The following STRBP variants were observed in gnomAD, a reference collection of about 807,000 sequenced individuals.
STRBP encodes the protein spermatid perinuclear RNA binding protein, also known as spermatid perinuclear RNA-binding protein.
A neutral mutation model predicts 80.1 loss-of-function variants in STRBP; 13 were observed. That is an observed-to-expected ratio of 0.16 (90% CI 0.11 to 0.26). STRBP has a LOEUF of 0.26. Among genes scored for constraint, STRBP ranks in the 10% least tolerant of loss-of-function variants. The pLI is 1.00. For missense variants in STRBP, 485 were observed against 815.2 expected, an observed-to-expected ratio of 0.59 and a Z score of 4.93; for synonymous variants, 284 against 291.2, an observed-to-expected ratio of 0.98 and a Z score of 0.25.
chr9:123,164,958 G>C (rs1281880336), intron 6 of STRBP, among the ~76,000 whole-genome samples: 1 of 152,158 alleles, frequency 6.6e-6, no homozygotes, highest in Non-Finnish European at 1.5e-5. Context: ...TTCAGTGGCA[G>C]TCTGCCACTG....
intron 3 of STRBP, among the ~76,000 whole-genome samples, chr9:123,182,849 A>C (rs927339108): frequency 6.6e-6 from 1 of 152,008 alleles, no homozygotes; most frequent in Non-Finnish European, 1.5e-5. Flanking sequence ...CTGTCTCTAC[A>C]AAAAATTTAA....
intron 2 of STRBP, among the ~76,000 whole-genome samples, chr9:123,199,235 A>T (rs1454721259): frequency 6.6e-6 from 1 of 152,228 alleles, no homozygotes; most frequent in African/African-American, 2.4e-5. Flanking sequence ...CACCCAGCCT[A>T]TGTGCCTACT....
At chr9:123,252,807 C>T (rs2040944565) in intron 1 of STRBP, among the ~76,000 whole-genome samples, 1 of 152,032 alleles carries the variant, frequency 6.6e-6, no homozygotes, top group Non-Finnish European at 1.5e-5. Flanking sequence ...TCCTTTTTAC[C>T]CAAAGCCAGC....
At chr9:123,209,678 C>A (rs1020649578) in intron 2 of STRBP, among the ~76,000 whole-genome samples, 2 of 152,180 alleles carry the variant, frequency 1.3e-5, no homozygotes, top group Non-Finnish European at 2.9e-5. Flanking sequence ...GATTTCAAAT[C>A]TGCTAGAGAA....
Position 123,202,461 on chromosome 9 carries a change from C to A in STRBP, c.-164-18163G>T, listed in dbSNP as rs183219476. ...AATGACTTTATTTCTCCTTCATTTACAAAACTTAGTTTTGTGGGATAAAAA... is the reference window on the plus strand; with the variant it reads ...AATGACTTTATTTCTCCTTCATTTAAAAAACTTAGTTTTGTGGGATAAAAA... On this transcript the variant is annotated intron_variant, in intron 2 of 18. Coordinates refer to ENST00000348403, the MANE Select transcript of STRBP (RefSeq NM_018387.5). Among the ~76,000 whole-genome samples, 11 of 152,286 alleles carry A rather than the reference C, an allele frequency of 7.2e-5. No homozygotes were observed. In the East Asian group the frequency reaches 2.1e-3, roughly 29 times the overall value.
intron 2 of STRBP, among the ~76,000 whole-genome samples, chr9:123,203,493 C>T (rs2039403052): frequency 6.6e-6 from 1 of 152,082 alleles, no homozygotes. Flanking sequence ...ACTTCTTGGC[C>T]TCAACCTCTA....
At chr9:123,147,656 T>C (rs1403729674) in intron 12 of STRBP, 122 bp downstream of exon 12, 4 of 787,426 alleles carry the variant, frequency 5.1e-6, no homozygotes, top group Non-Finnish European at 7.4e-6. Flanking sequence ...CCAGTCTCAG[T>C]GACAGAATGA....
At chr9:123,257,390 T>C (rs532593809) in intron 1 of STRBP, among the ~76,000 whole-genome samples, 1 of 152,010 alleles carries the variant, frequency 6.6e-6, no homozygotes, top group Admixed American at 6.6e-5. Flanking sequence ...CACTCTCTCT[T>C]AGGTACTTAC....
At chr9:123,181,328 A>T (rs746085619) in intron 3 of STRBP, among the ~76,000 whole-genome samples, 1 of 152,238 alleles carries the variant, frequency 6.6e-6, no homozygotes, top group Non-Finnish European at 1.5e-5. Flanking sequence ...AGCTAGGCTC[A>T]TGTACTTGCT....
rs2037415298 is a variant in STRBP, at chr9:123,159,156, C to T, written c.775G>A (p.Gly259Ser). The T allele has an allele frequency of 1.1e-5, 18 of 1,613,642 alleles. No homozygotes were observed. The highest frequency in any genetic ancestry group is 1.4e-5 in the Non-Finnish European group (17 of 1,179,632). The change falls in exon 9 of 19, where the codon GGC (glycine) becomes AGC (serine). Residue 259 changes from glycine to serine, a missense_variant. By Grantham distance (56) the Gly-to-Ser change is moderately conservative. Coordinates refer to ENST00000348403, the MANE Select transcript of STRBP (RefSeq NM_018387.5). ...KSIGTCNRPL[G>S]AGEALRRVME... ...ACTCGTCTCAAGGCCTCCCCAGCGC[C>T]CAAAGGTCTATTACAAGTACCTATA...
At chr9:123,164,475 G>A (rs932915226) in intron 6 of STRBP, among the ~76,000 whole-genome samples, 1 of 152,194 alleles carries the variant, frequency 6.6e-6, no homozygotes, top group Non-Finnish European at 1.5e-5. Context: ...TTGGTTAGAG[G>A]TTAAATCAGT....
At chr9:123,145,093 G>A (rs2036757025) in intron 13 of STRBP, among the ~76,000 whole-genome samples, 1 of 152,048 alleles carries the variant, frequency 6.6e-6, no homozygotes, top group Non-Finnish European at 1.5e-5. Context: ...GCTACTCAAG[G>A]TAAATAAAAG....
chr9:123,182,307 G>C (rs2038513183), intron 3 of STRBP, among the ~76,000 whole-genome samples: 1 of 143,464 alleles, frequency 7.0e-6, no homozygotes, highest in African/African-American at 2.5e-5. Flanking sequence ...TGCAATCTGA[G>C]ATCTAAAAAG....
chr9:123,162,684 C>T (rs1588022014), intron 6 of STRBP, among the ~76,000 whole-genome samples: 1 of 152,198 alleles, frequency 6.6e-6, no homozygotes, highest in Non-Finnish European at 1.5e-5. Flanking sequence ...CAGTTATTTG[C>T]ATTGTTTCCC....
Position 123,166,787 on chromosome 9 carries a change from AC to A in STRBP, c.535+3114del, listed in dbSNP as rs1193351046. Among the ~76,000 whole-genome samples, 256 of 129,990 alleles carry A rather than the reference AC, an allele frequency of 2.0e-3. 2 individuals are homozygous for A. In the East Asian group the frequency reaches 0.028, roughly 14 times the overall value. 85.3% of individuals were successfully genotyped at this position (129,990 alleles called of 152,430 possible). A position where few individuals can be genotyped will look rare whatever the true frequency, so the allele number is the denominator to read the frequency against. On this transcript the variant is annotated intron_variant, in intron 6 of 18. Transcript: ENST00000348403. ...AACAACAACAACAACAACAACAACA[AC>A]AACAAAAAAACAAGCCAAACGAAAG...
chr9:123,234,194 C>A (rs1296498688), intron 2 of STRBP, among the ~76,000 whole-genome samples: 1 of 138,722 alleles, frequency 7.2e-6, no homozygotes, highest in African/African-American at 2.7e-5. Context: ...GAGCGAGACG[C>A]CGTGTCAAAA....
intron 2 of STRBP, among the ~76,000 whole-genome samples, chr9:123,234,996 TG>T (rs71390420): frequency 0.55 from 67,750 of 123,486 alleles, 18,666 homozygotes; most frequent in East Asian, 0.81. Flanking sequence ...GCTTTTTTTT[TG>T]GGGGGGGGGG....
intron 2 of STRBP, among the ~76,000 whole-genome samples, chr9:123,190,483 G>C (rs141364677): frequency 6.8e-6 from 1 of 147,726 alleles, no homozygotes; most frequent in Non-Finnish European, 1.5e-5. Context: ...AAAAAGGCAC[G>C]TGCAAGAAGG....
Position 123,136,708 on chromosome 9 carries a change from T to C in STRBP, c.1498-193A>G, listed in dbSNP as rs1254573022. 3.3e-5 allele frequency among the ~76,000 whole-genome samples: 5 copies of C among 152,162 alleles called. No individual in the cohort carries two copies. Among genetic ancestry groups the C allele is most frequent in the African/African-American group, 1.2e-4 (5 of 41,450 alleles). ...GTAAAAACTCTACAAGCAGTAAACA[T>C]TGCAGTCATCTGGCCAGCCTTCCTT... On this transcript the variant is annotated intron_variant, in intron 14 of 18. Transcript: ENST00000348403. This position sits in a 1 kb window ranked among gnomAD's most constrained non-coding sequence, Gnocchi z 4.2.
Sources: allele counts gnomAD v4.1 joint callset (sites outside exome capture counted in the v4.1 genomes callset), GRCh38; gene constraint gnomAD v4.1.1; non-coding constraint Gnocchi (gnomAD v3.1); transcripts MANE v1.5; gene names NCBI Gene and HGNC (gene_info 2026-07-23, HGNC 2026-07-21).